The following SAV1 variants were observed in gnomAD, a reference collection of about 807,000 sequenced individuals.
SAV1 encodes the protein protein salvador homolog 1.
SAV1 carries 23 observed loss-of-function variants against 47.3 expected under a neutral mutation model. That is an observed-to-expected ratio of 0.49 (90% CI 0.35 to 0.69). SAV1 has a LOEUF of 0.69. Among genes scored for constraint, SAV1 ranks in the 30% least tolerant of loss-of-function variants. The pLI, the probability that SAV1 is intolerant of heterozygous loss-of-function variation, is 0.01. For missense variants in SAV1, 448 were observed against 457.4 expected (o/e 0.98, Z 0.19); for synonymous variants, 155 against 159.2 (o/e 0.97, Z 0.20).
intron 2 of SAV1, among the ~76,000 whole-genome samples, chr14:50,649,540 C>T (rs551796490): frequency 1.3e-5 from 2 of 152,240 alleles, no homozygotes; most frequent in South Asian, 2.1e-4. Context: ...TCTTTCACTC[C>T]CATATTTTAC....
intron 2 of SAV1, among the ~76,000 whole-genome samples, chr14:50,652,717 A>G (rs974025775): frequency 6.6e-6 from 1 of 152,228 alleles, no homozygotes; most frequent in Non-Finnish European, 1.5e-5. Flanking sequence ...GGAACATGAG[A>G]AAAACATCAG....
At chr14:50,642,417 A>C (rs2039687865) in intron 3 of SAV1, among the ~76,000 whole-genome samples, 1 of 151,098 alleles carries the variant, frequency 6.6e-6, no homozygotes, top group South Asian at 2.1e-4. Context: ...TGAACCTGGG[A>C]GGCGAAGGTT....
chr14:50,661,637 A>G (rs904019597), intron 2 of SAV1, among the ~76,000 whole-genome samples: 1 of 152,176 alleles, frequency 6.6e-6, no homozygotes, highest in Non-Finnish European at 1.5e-5. Context: ...GTCAGATTTC[A>G]TTCTTCTGCA....
At chr14:50,645,094 A>G (rs958859817) in intron 2 of SAV1, 80 bp from the exon 3 acceptor site, 14 of 1,204,170 alleles carry the variant, frequency 1.2e-5, no homozygotes, top group East Asian at 2.5e-5. Flanking sequence ...CAAAGTCACA[A>G]CATTAACTAT....
intron 2 of SAV1, among the ~76,000 whole-genome samples, chr14:50,656,922 C>G (rs2039817448): frequency 6.6e-6 from 1 of 151,974 alleles, no homozygotes; most frequent in African/African-American, 2.4e-5. Context: ...CTATGTCAAG[C>G]TCTAATAAAT....
intron 1 of SAV1, among the ~76,000 whole-genome samples, chr14:50,666,797 C>A (rs3015490): frequency 0.39 from 56,209 of 143,720 alleles, 10,729 homozygotes; most frequent in South Asian, 0.47. Context: ...AAAAAAAAAA[C>A]AACTTAAAAA....
At position 50,633,890 on chromosome 14, in the gene SAV1, G is replaced by A. The variant is rs1417899336; in HGVS notation, c.*1293C>T. 1.2e-5 allele frequency: 2 copies of A among 163,994 alleles called. No individual in the cohort carries two copies. The highest frequency in any genetic ancestry group is 4.8e-5 in the African/African-American group (2 of 41,922). 10.2% of individuals were successfully genotyped at this position (163,994 alleles called of 1,614,324 possible). A position where few individuals can be genotyped will look rare whatever the true frequency, so the allele number is the denominator to read the frequency against. ...TATAGTTTAGAAGTATCACCAATTTGTTTGCAATCAAATGTACAGCACTAA... is the reference window on the plus strand; with the variant it reads ...TATAGTTTAGAAGTATCACCAATTTATTTGCAATCAAATGTACAGCACTAA... On this transcript the variant is annotated 3_prime_UTR_variant, in exon 5 of 5. Coordinates refer to ENST00000324679, the MANE Select transcript of SAV1 (RefSeq NM_021818.4).
At chr14:50,667,500 T>C (rs1174490209) in intron 1 of SAV1, 1 of 462,928 alleles carries the variant, frequency 2.2e-6, no homozygotes, top group African/African-American at 2.0e-5. Flanking sequence ...TCTCGACGCA[T>C]CTAAAAGAGT....
intron 2 of SAV1, among the ~76,000 whole-genome samples, chr14:50,657,008 G>T (rs934525558): frequency 6.9e-6 from 1 of 144,912 alleles, no homozygotes; most frequent in East Asian, 2.0e-4. Flanking sequence ...GAAAAGCACA[G>T]AACACAAAAC....
intron 2 of SAV1, among the ~76,000 whole-genome samples, chr14:50,657,024 CTTTTTTT>C (rs3080610): frequency 1.1e-4 from 14 of 122,250 alleles, no homozygotes; most frequent in African/African-American, 4.3e-4. Flanking sequence ...AAAACACTCA[CTTTTTTT>C]TTTTTTTTTT....
Position 50,644,898 on chromosome 14 carries a change from T to C in SAV1, c.652A>G (p.Ile218Val), listed in dbSNP as rs570571744. Reference sequence around the variant, plus strand: ...TGAGTTGTATTTGTGTTATGATCTATATAATATTTTCTCCCTCTCATTGTC... The same window carrying C: ...TGAGTTGTATTTGTGTTATGATCTACATAATATTTTCTCCCTCTCATTGTC... ...DWTMRGRKYY[I>V]DHNTNTTHWS... The change falls in exon 3 of 5, where the codon ATA becomes GTA. Residue 218 changes from isoleucine to valine, a missense_variant. Transcript: ENST00000324679. The C allele has an allele frequency of 2.5e-6, 4 of 1,614,148 alleles. No individual in the cohort carries two copies. The South Asian group carries it at 4.4e-5, about 18-fold the overall frequency.
intron 3 of SAV1, among the ~76,000 whole-genome samples, chr14:50,641,951 A>G (rs1212899799): frequency 6.6e-6 from 1 of 152,218 alleles, no homozygotes; most frequent in Non-Finnish European, 1.5e-5. Context: ...AAGATACGGT[A>G]TCAACCTAAA....
intron 1 of SAV1, among the ~76,000 whole-genome samples, chr14:50,666,356 C>A (rs903482037): frequency 6.6e-6 from 1 of 152,082 alleles, no homozygotes; most frequent in Non-Finnish European, 1.5e-5. Flanking sequence ...CTTTTAAACA[C>A]GAAACTTGAA....
In SAV1 at chr14:50,642,257, G is replaced by A. The variant is rs576067663; in HGVS notation, c.807-1364C>T. Among the ~76,000 whole-genome samples, 13 of 152,206 alleles carry A rather than the reference G, an allele frequency of 8.5e-5. 1 individual carries two copies. The highest frequency in any genetic ancestry group is 2.4e-4 in the African/African-American group (10 of 41,526). On this transcript the variant is annotated intron_variant, in intron 3 of 4. Coordinates refer to ENST00000324679, the MANE Select transcript of SAV1 (RefSeq NM_021818.4). ...GAAAACTACCTATCAGGGACCGGGC[G>A]TGATGGCTCACACCTGAGGTCGGGA...
At chr14:50,664,437 A>C (rs940005824) in intron 2 of SAV1, 1 of 152,192 alleles carries the variant, frequency 6.6e-6, no homozygotes, top group African/African-American at 2.4e-5. Context: ...AGAAAGTTTA[A>C]TTTTCATCTC....
chr14:50,662,745 C>G (rs1486691740), intron 2 of SAV1: 2 of 152,188 alleles, frequency 1.3e-5, no homozygotes, highest in Non-Finnish European at 2.9e-5. Flanking sequence ...GTATTACAAG[C>G]TATCAGTGAC....
At chr14:50,658,314 C>T (rs1407624102) in intron 2 of SAV1, among the ~76,000 whole-genome samples, 1 of 152,150 alleles carries the variant, frequency 6.6e-6, no homozygotes. Context: ...CGAGACAGAA[C>T]TAAAATTTAA....
chr14:50,648,351 G>A (rs867434795), intron 2 of SAV1, among the ~76,000 whole-genome samples: 2 of 152,274 alleles, frequency 1.3e-5, no homozygotes, highest in South Asian at 4.1e-4. Flanking sequence ...GAAATGTTCT[G>A]TATTCTCATT....
At chr14:50,639,370 C>CT (rs11385675) in intron 4 of SAV1, among the ~76,000 whole-genome samples, 111,606 of 152,066 alleles carry the variant, frequency 0.73, 41,046 homozygotes, top group East Asian at 0.82. Flanking sequence ...ATAATTGATT[C>CT]TCATTATCTA....
Sources: allele counts gnomAD v4.1 joint callset (sites outside exome capture counted in the v4.1 genomes callset), GRCh38; gene constraint gnomAD v4.1.1; transcripts MANE v1.5; gene names NCBI Gene and HGNC (gene_info 2026-07-23, HGNC 2026-07-21).